Variants in RAB11FIP2 observed in about 807,000 individuals in gnomAD.
The protein encoded by RAB11FIP2 is RAB11 family interacting protein 2, also known as rab11 family-interacting protein 2.
A neutral mutation model predicts 40.9 loss-of-function variants in RAB11FIP2; 16 were observed. That is an observed-to-expected ratio of 0.39 (90% CI 0.26 to 0.59). The LOEUF is 0.59. RAB11FIP2 is among the 20% of genes least tolerant of loss of function. RAB11FIP2 has a pLI of 0.53. For missense variants in RAB11FIP2, 532 were observed against 606.2 expected (o/e 0.88, Z 1.28); for synonymous variants, 228 against 213.7 (o/e 1.07, Z -0.58).
chr10:118,042,724 A>G (rs927349748), intron 1 of RAB11FIP2, among the ~76,000 whole-genome samples: 1 of 152,066 alleles, frequency 6.6e-6, no homozygotes, highest in Non-Finnish European at 1.5e-5. Context: ...ATGTGTTTAC[A>G]TTGTCTTGTT....
intron 3 of RAB11FIP2, among the ~76,000 whole-genome samples, chr10:118,031,612 C>A (rs945342761): frequency 2.0e-5 from 3 of 152,156 alleles, no homozygotes; most frequent in African/African-American, 7.2e-5. Context: ...GGCACACTGC[C>A]ATGAAAAATC....
chr10:118,037,963 T>C (rs755642363), intron 3 of RAB11FIP2, among the ~76,000 whole-genome samples: 2 of 152,096 alleles, frequency 1.3e-5, no homozygotes, highest in Non-Finnish European at 2.9e-5. Context: ...TGTAAACCAA[T>C]GTAAACAGTT....
intron 3 of RAB11FIP2, 69 bp from the exon 4 acceptor site, chr10:118,015,179 T>A: frequency 7.5e-7 from 1 of 1,338,934 alleles, no homozygotes; most frequent in East Asian, 2.4e-5. Context: ...AATAGAAAAA[T>A]TTTAACCAAC....
rs1324459356 is a variant in RAB11FIP2, at chr10:118,039,007, T to C, written c.1230A>G (p.Ala410=). The C allele has an allele frequency of 6.2e-7, 1 of 1,603,712 alleles. No individual in the cohort carries two copies. The highest frequency in any genetic ancestry group is 8.5e-7 in the Non-Finnish European group (1 of 1,176,646). Reference sequence around the variant, plus strand: ...GCATTATATTTGAAGCCCTGAATTTTGCTGTAAATGGATTGGTTGACTCAT... The same window carrying C: ...GCATTATATTTGAAGCCCTGAATTTCGCTGTAAATGGATTGGTTGACTCAT... ...FDYESTNPFT[A]KFRASNIMPS... is the part of the protein sequence containing the mutation. The change falls in exon 3 of 5, where the codon GCA becomes GCG. Residue 410 remains alanine, a synonymous_variant. Transcript: ENST00000355624.
intron 2 of RAB11FIP2, 187 bp from the exon 3 acceptor site, chr10:118,039,627 T>C: frequency 1.7e-6 from 1 of 596,682 alleles, no homozygotes; most frequent in East Asian, 2.8e-5. Flanking sequence ...TCGAGGCTGA[T>C]AACAACTAGC....
At chr10:118,024,754 G>A (rs541034416) in intron 3 of RAB11FIP2, among the ~76,000 whole-genome samples, 53 of 152,126 alleles carry the variant, frequency 3.5e-4, no homozygotes, top group African/African-American at 1.3e-3. Flanking sequence ...AAAGACAGAC[G>A]GCCCACAACA....
At chr10:118,039,985 A>G (rs1846533896) in intron 2 of RAB11FIP2, 138 bp downstream of exon 2, 3 of 714,070 alleles carry the variant, frequency 4.2e-6, no homozygotes, top group Non-Finnish European at 6.8e-6. Flanking sequence ...TATAGTAGGT[A>G]CTCAATATTT....
Position 118,039,431 on chromosome 10 carries a change from T to C in RAB11FIP2, c.806A>G (p.Lys269Arg). 4 of 1,610,264 alleles carry C rather than the reference T, an allele frequency of 2.5e-6. No homozygotes were observed. The highest frequency in any genetic ancestry group is 2.5e-6 in the Non-Finnish European group (3 of 1,177,764). ...GCTTAATGTTCTTCTGTGTGGAGAT[T>C]TGAGACTTCCTACAAACAATTTTGT... is the stretch of plus-strand genomic sequence containing the variant. ...FGTVPESGSL[K>R]SPHRRTLSFD... The change falls in exon 3 of 5, where the codon AAA (lysine) becomes AGA (arginine). Residue 269 changes from lysine to arginine, a missense_variant. By Grantham distance (26) the Lys-to-Arg change is conservative (BLOSUM62 2). Coordinates refer to ENST00000355624, the MANE Select transcript of RAB11FIP2 (RefSeq NM_014904.3).
intron 3 of RAB11FIP2, among the ~76,000 whole-genome samples, chr10:118,038,621 GAA>G: frequency 6.6e-6 from 1 of 152,032 alleles, no homozygotes; most frequent in Admixed American, 6.6e-5. Context: ...CGAATCCCTA[GAA>G]ACATTATCAC....
intron 3 of RAB11FIP2, among the ~76,000 whole-genome samples, chr10:118,022,597 A>G (rs550611324): frequency 6.6e-6 from 1 of 152,218 alleles, no homozygotes; most frequent in Non-Finnish European, 1.5e-5. Flanking sequence ...GAATTAAAAG[A>G]GGGTTAAAAG....
At chr10:118,022,396 T>C (rs1052708395) in intron 3 of RAB11FIP2, among the ~76,000 whole-genome samples, 4 of 152,190 alleles carry the variant, frequency 2.6e-5, no homozygotes, top group African/African-American at 9.7e-5. Context: ...TATTCGTCTG[T>C]CAAAAAACTT....
rs1456107452 is a variant in RAB11FIP2 at position 118,039,084 on chromosome 10, C to T, written c.1153G>A (p.Asp385Asn). 6.2e-7 allele frequency: 1 copy of T among 1,613,628 alleles called. No individual in the cohort carries two copies. The highest frequency in any genetic ancestry group is 1.7e-5 in the Admixed American group (1 of 59,936). Residue 385 changes from aspartate to asparagine, a missense_variant, in exon 3 of 5, where the codon GAC (aspartate) becomes AAC (asparagine). Transcript: ENST00000355624. ...LNNGGSDSPC[D>N]LKSPNAFSEN... ...CTAAATGCATTAGGTGATTTCAAGT[C>T]ACAAGGGCTATCAGATCCCCCATTG...
rs1407935335 is a variant in RAB11FIP2 at position 118,046,160 on chromosome 10, T to C, written c.4A>G (p.Met2Val). The change falls in exon 1 of 5, where the codon ATG becomes GTG. Residue 2 changes from methionine (M) to valine (V), a missense_variant. Transcript: ENST00000355624. ...CACTTTTGGGCTTGCTCGGACAGCA[T>C]CATCCTGTCCTGTTTCTCTGCCCCC... is the stretch of plus-strand genomic sequence containing the variant. The part of the protein sequence containing the change: M[M>V]LSEQAQKWFP... The C allele has an allele frequency of 1.9e-6, 3 of 1,613,154 alleles. No homozygotes were observed. Among genetic ancestry groups the C allele is most frequent in the Admixed American group, 3.3e-5 (2 of 59,990 alleles).
intron 3 of RAB11FIP2, among the ~76,000 whole-genome samples, chr10:118,030,000 A>G (rs1044296471): frequency 3.9e-5 from 6 of 152,156 alleles, no homozygotes; most frequent in Admixed American, 2.6e-4. Context: ...CTAGATCCTG[A>G]CTGTTTTAAA....
intron 1 of RAB11FIP2, chr10:118,045,423 T>C (rs1253303624): frequency 5.7e-6 from 1 of 173,920 alleles, no homozygotes; most frequent in Non-Finnish European, 1.2e-5. Flanking sequence ...CAACATTACA[T>C]TGCCAGATTT....
At chr10:118,020,070 C>G (rs1392269498) in intron 3 of RAB11FIP2, among the ~76,000 whole-genome samples, 1 of 152,152 alleles carries the variant, frequency 6.6e-6, no homozygotes. Flanking sequence ...TTGTAACAAT[C>G]CTATGACCTG....
At chr10:118,023,723 A>C (rs1435393107) in intron 3 of RAB11FIP2, among the ~76,000 whole-genome samples, 2 of 152,234 alleles carry the variant, frequency 1.3e-5, no homozygotes, top group Admixed American at 1.3e-4. Flanking sequence ...CTAGAACTTG[A>C]GGATTTAAAG....
Position 118,040,135 on chromosome 10 carries a change from C to G in RAB11FIP2, c.784G>C (p.Val262Leu), listed in dbSNP as rs1442336895. 6.2e-7 allele frequency: 1 copy of G among 1,612,930 alleles called. No homozygotes were observed. The highest frequency in any genetic ancestry group is 8.5e-7 in the Non-Finnish European group (1 of 1,179,312). ...ATGTGACACTTACCACTTTCTGGAACTGTTCCAAAGGAATCTAACTGGTGT... is the reference window on the plus strand; with the variant it reads ...ATGTGACACTTACCACTTTCTGGAAGTGTTCCAAAGGAATCTAACTGGTGT... ...LGHQLDSFGTVPESGSLKSPH... is the reference protein window; with the variant it reads ...LGHQLDSFGTLPESGSLKSPH... The change falls in exon 2 of 5, where the codon GTT becomes CTT. Residue 262 changes from valine (V) to leucine (L), a missense_variant. Val to Leu is a conservative substitution (Grantham distance 32). Transcript: ENST00000355624.
chr10:118,038,325 A>G, intron 3 of RAB11FIP2, among the ~76,000 whole-genome samples: 1 of 151,792 alleles, frequency 6.6e-6, no homozygotes, highest in African/African-American at 2.4e-5. Flanking sequence ...GAATAAGAAA[A>G]GCACCATTAT....
Sources: gnomAD v4.1 joint callset for allele counts (sites outside exome capture counted in the v4.1 genomes callset) on GRCh38, gnomAD v4.1.1 for gene constraint, MANE v1.5 for transcripts, NCBI Gene and HGNC (gene_info 2026-07-23, HGNC 2026-07-21) for gene names.